Variants in RBFOX1 observed in about 807,000 individuals in gnomAD.
RBFOX1 encodes RNA binding fox-1 homolog 1, also known as RNA binding protein fox-1 homolog 1.
A neutral mutation model predicts 57.7 loss-of-function variants in RBFOX1; 8 were observed. That is an observed-to-expected ratio of 0.14 (90% confidence interval 0.08 to 0.25). The LOEUF is 0.25. Ranked by LOEUF, RBFOX1 falls within the 10% of genes least tolerant of loss-of-function variation. RBFOX1 has a pLI of 1.00. For synonymous variants in RBFOX1, 326 were observed against 222.4 expected (o/e 1.47, Z -4.15); for missense variants, 611 against 548.5 (o/e 1.11, Z -1.14).
chr16:7,710,091 G>C (rs1356868964), intron 15 of RBFOX1: 1 of 1,001,296 alleles, frequency 1.0e-6, no homozygotes, highest in Non-Finnish European at 1.2e-6. Context: ...GCATTGTTTT[G>C]CACAAGCTTA....
chr16:7,567,635 A>C (rs1567869056), intron 5 of RBFOX1, among the ~76,000 whole-genome samples: 3 of 70,806 alleles, frequency 4.2e-5, no homozygotes, highest in East Asian at 5.0e-4. Flanking sequence ...ATATATATAT[A>C]TCCCTATATA....
At chr16:6,771,122 A>G (rs1301537505) in intron 3 of RBFOX1, among the ~76,000 whole-genome samples, 1 of 152,142 alleles carries the variant, frequency 6.6e-6, no homozygotes, top group Non-Finnish European at 1.5e-5. Flanking sequence ...ACCCAGACAC[A>G]CAGAGAGAAT....
chr16:5,989,652 T>A (rs2060352443), intron 4 of RBFOX1, among the ~76,000 whole-genome samples: 1 of 151,760 alleles, frequency 6.6e-6, no homozygotes, highest in Non-Finnish European at 1.5e-5. Flanking sequence ...CTCCAATCAA[T>A]AAAGGGCGGT....
chr16:6,199,727 G>A (rs2097203085), intron 1 of RBFOX1, among the ~76,000 whole-genome samples: 2 of 152,140 alleles, frequency 1.3e-5, no homozygotes, highest in Admixed American at 1.3e-4. Context: ...AGTTTTATCT[G>A]TGAAAACCAG....
chr16:6,867,522 C>A (rs1027459888), intron 3 of RBFOX1, among the ~76,000 whole-genome samples: 10 of 152,088 alleles, frequency 6.6e-5, no homozygotes, highest in African/African-American at 2.4e-4. Flanking sequence ...AGTTCGAGAT[C>A]AGCCTGGCCA....
At chr16:7,671,751 C>A in intron 13 of RBFOX1, 1 of 720,476 alleles carries the variant, frequency 1.4e-6, no homozygotes, top group Non-Finnish European at 2.4e-6. Context: ...ATGAAATCTC[C>A]TAGAATAGAG....
At chr16:7,039,286 G>A (rs1211251261) in intron 3 of RBFOX1, among the ~76,000 whole-genome samples, 5 of 152,294 alleles carry the variant, frequency 3.3e-5, no homozygotes, top group Non-Finnish European at 7.4e-5. Context: ...GCCTTGACAA[G>A]CTCTTTCGTC....
intron 3 of RBFOX1, among the ~76,000 whole-genome samples, chr16:5,767,398 T>C (rs932229034): frequency 3.9e-5 from 6 of 152,120 alleles, no homozygotes; most frequent in African/African-American, 1.4e-4. Flanking sequence ...AACCACGCTA[T>C]GGGAGTGAAG....
At chr16:6,684,179 G>C (rs987823689) in intron 3 of RBFOX1, among the ~76,000 whole-genome samples, 1 of 152,174 alleles carries the variant, frequency 6.6e-6, no homozygotes, top group African/African-American at 2.4e-5. Flanking sequence ...GATGTTAAAC[G>C]CAAGGATGTA....
At chr16:7,291,326 G>A (rs2095767916) in intron 4 of RBFOX1, among the ~76,000 whole-genome samples, 2 of 152,160 alleles carry the variant, frequency 1.3e-5, no homozygotes, top group African/African-American at 4.8e-5. Context: ...TGAGGTATGA[G>A]TTGGGAAGAG....
At position 6,005,195 on chromosome 16, in the gene RBFOX1, G is replaced by A. The variant is rs556739577; in HGVS notation, c.351+137860G>A. Reference sequence around the variant, plus strand: ...CTTCAAATGCGGAAGTTTATATTTCGTTCAAATGTATTCGTGGAAAGAGGG... The same window carrying A: ...CTTCAAATGCGGAAGTTTATATTTCATTCAAATGTATTCGTGGAAAGAGGG... On this transcript the variant is annotated intron_variant, in intron 4 of 19. Transcript: ENST00000641259. Among the ~76,000 whole-genome samples, 351 of 152,210 alleles carry A rather than the reference G, an allele frequency of 2.3e-3. 3 individuals are homozygous for A. Among genetic ancestry groups the A allele is most frequent in the Non-Finnish European group, 3.1e-3 (209 of 68,006 alleles).
intron 3 of RBFOX1, among the ~76,000 whole-genome samples, chr16:6,847,361 C>A (rs529275023): frequency 9.5e-4 from 144 of 152,168 alleles, no homozygotes; most frequent in Non-Finnish European, 1.6e-3. Flanking sequence ...GCAAGGGGGT[C>A]TTCAATCTGC....
intron 1 of RBFOX1, among the ~76,000 whole-genome samples, chr16:5,420,412 T>A (rs1399144202): frequency 6.7e-6 from 1 of 149,018 alleles, no homozygotes; most frequent in Non-Finnish European, 1.5e-5. Flanking sequence ...ACACACACAC[T>A]CTCAGGTTCA....
intron 2 of RBFOX1, among the ~76,000 whole-genome samples, chr16:6,369,061 A>G (rs1249031760): frequency 6.6e-6 from 1 of 152,144 alleles, no homozygotes; most frequent in Non-Finnish European, 1.5e-5. Context: ...AAATTAGTAT[A>G]TTTCTTAGGG....
At position 7,653,811 on chromosome 16, in the gene RBFOX1, G is replaced by A. The variant is rs112339093; in HGVS notation, c.758-4G>A. ...CTCTCTCTCTCTCTCCTCTTGCCCC[G>A]CAGTGCCAGGCTTCCCGTATCCAGC... On this transcript the variant is annotated splice_region_variant and splice_polypyrimidine_tract_variant and intron_variant, in intron 11 of 15. Coordinates refer to ENST00000550418, the MANE Select transcript of RBFOX1 (RefSeq NM_018723.4). The A allele has an allele frequency of 1.3e-5, 21 of 1,607,554 alleles. No homozygotes were observed. The African/African-American group carries it at 2.0e-4, about 15-fold the overall frequency.
At chr16:7,053,444 C>G (rs145093320) in intron 4 of RBFOX1, among the ~76,000 whole-genome samples, 1 of 152,246 alleles carries the variant, frequency 6.6e-6, no homozygotes, top group South Asian at 2.1e-4. Flanking sequence ...TAATGTATTA[C>G]AACTTTAGAT....
At chr16:7,069,048 T>C (rs2056771250) in intron 4 of RBFOX1, among the ~76,000 whole-genome samples, 1 of 152,216 alleles carries the variant, frequency 6.6e-6, no homozygotes, top group South Asian at 2.1e-4. Context: ...AGTGAATGGA[T>C]GTTTCTAAAG....
intron 1 of RBFOX1, among the ~76,000 whole-genome samples, chr16:6,315,909 A>G (rs966211895): frequency 6.6e-6 from 1 of 152,204 alleles, no homozygotes; most frequent in African/African-American, 2.4e-5. Context: ...CACATATGTC[A>G]TCTTCATTTA....
intron 4 of RBFOX1, among the ~76,000 whole-genome samples, chr16:7,373,880 A>G (rs890253870): frequency 1.3e-5 from 2 of 152,204 alleles, no homozygotes; most frequent in Non-Finnish European, 2.9e-5. Flanking sequence ...GAGTTTAGGT[A>G]CATTCTCATT....
Sources: gnomAD v4.1 joint callset for allele counts (sites outside exome capture counted in the v4.1 genomes callset) on GRCh38, gnomAD v4.1.1 for gene constraint, MANE v1.5 for transcripts, NCBI Gene and HGNC (gene_info 2026-07-23, HGNC 2026-07-21) for gene names.